The following RBFOX1 variants were observed in gnomAD, a reference collection of about 807,000 sequenced individuals.
The protein encoded by RBFOX1 is RNA binding protein fox-1 homolog 1.
RBFOX1 carries 8 observed loss-of-function variants against 57.7 expected under a neutral mutation model. The ratio of observed to expected loss-of-function variants is 0.14; its 90% confidence interval spans 0.08 to 0.25. The LOEUF is 0.25. Among genes scored for constraint, RBFOX1 ranks in the 10% least tolerant of loss-of-function variants. The pLI, the probability that RBFOX1 is intolerant of heterozygous loss-of-function variation, is 1.00. For missense variants in RBFOX1, 611 were observed against 548.5 expected, an observed-to-expected ratio of 1.11 and a Z score of -1.14; for synonymous variants, 326 against 222.4, an observed-to-expected ratio of 1.47 and a Z score of -4.15.
At position 6,270,936 on chromosome 16, in the gene RBFOX1, G is replaced by A. The variant is rs568956904; in HGVS notation, c.-126-46059G>A. ...TTTGGCCACTAGACAGCACATTGCC[G>A]AATAAATTCCATGGATTAAAGAAGG... On this transcript the variant is annotated intron_variant, in intron 1 of 15. Transcript: ENST00000550418. Among the ~76,000 whole-genome samples, 32 of 152,274 alleles carry A rather than the reference G, an allele frequency of 2.1e-4. No homozygotes were observed. The South Asian group carries it at 6.2e-3, about 30-fold the overall frequency.
chr16:6,573,746 C>G (rs2097378990), intron 2 of RBFOX1: 1 of 152,348 alleles, frequency 6.6e-6, no homozygotes, highest in South Asian at 2.1e-4. Flanking sequence ...GCGCGAAGCC[C>G]GGCTGCGGGA....
intron 3 of RBFOX1, among the ~76,000 whole-genome samples, chr16:7,014,557 A>G (rs2093811350): frequency 6.6e-6 from 1 of 151,986 alleles, no homozygotes; most frequent in African/African-American, 2.4e-5. Context: ...CAGGAGTGAG[A>G]CACTGCACCC....
At chr16:6,721,604 C>G (rs112479257) in intron 3 of RBFOX1, among the ~76,000 whole-genome samples, 4 of 152,288 alleles carry the variant, frequency 2.6e-5, no homozygotes, top group African/African-American at 9.6e-5. Context: ...TCCTTACCCT[C>G]CAGCTCCTGG....
chr16:6,658,516 C>T (rs544130838), intron 3 of RBFOX1, among the ~76,000 whole-genome samples: 1 of 152,190 alleles, frequency 6.6e-6, no homozygotes, highest in Non-Finnish European at 1.5e-5. Flanking sequence ...CGAGAGCCCT[C>T]ATCTTGTTGT....
rs2060484411 is a variant in RBFOX1, at chr16:5,996,025, G to T, written c.351+128690G>T. ...TTCACATGGTGGAAGGAGAAAAGGA[G>T]CTCTCTGGGACCTCTTTTATAAGAG... is the stretch of plus-strand genomic sequence containing the variant. On this transcript the variant is annotated intron_variant, in intron 4 of 19. Coordinates refer to the RBFOX1 transcript ENST00000641259. 2.0e-5 allele frequency among the ~76,000 whole-genome samples: 3 copies of T among 152,084 alleles called. No individual in the cohort carries two copies. In the South Asian group the frequency reaches 6.2e-4, roughly 32 times the overall value.
chr16:5,905,586 A>G (rs1316861957), intron 4 of RBFOX1, among the ~76,000 whole-genome samples: 1 of 152,164 alleles, frequency 6.6e-6, no homozygotes, highest in Non-Finnish European at 1.5e-5. Context: ...GGTGGTACAC[A>G]TCTGCCGTCA....
rs58215856 is a variant in RBFOX1 at position 6,082,176 on chromosome 16, C to CTTT, written c.-127+62204_-127+62206dup. 2.3e-3 allele frequency among the ~76,000 whole-genome samples: 208 copies of CTTT among 89,898 alleles called. 7 individuals are homozygous for CTTT. The highest frequency in any genetic ancestry group is 8.2e-3 in the African/African-American group (150 of 18,358). 59.0% of individuals were successfully genotyped at this position (89,898 alleles called of 152,430 possible). ...TGTTGGTCACTTACCAATACCAGTG[C>CTTT]TTTTTTTTTTTTTTTTTTTTTTGAG... On this transcript the variant is annotated intron_variant, in intron 1 of 15. Coordinates refer to ENST00000550418, the MANE Select transcript of RBFOX1 (RefSeq NM_018723.4).
intron 4 of RBFOX1, among the ~76,000 whole-genome samples, chr16:6,010,650 T>G (rs2094955844): frequency 6.6e-6 from 1 of 152,204 alleles, no homozygotes; most frequent in African/African-American, 2.4e-5. Flanking sequence ...AGCAATGGTG[T>G]AGAAGAACCC....
intron 3 of RBFOX1, among the ~76,000 whole-genome samples, chr16:6,855,165 T>A (rs1474379237): frequency 6.6e-6 from 1 of 152,034 alleles, no homozygotes; most frequent in Non-Finnish European, 1.5e-5. Flanking sequence ...GCTATACGTG[T>A]TCTGGTGAGC....
In RBFOX1 at chr16:5,628,021, A is replaced by G. The variant is rs528043316; in HGVS notation, c.318+29060A>G. 1.5e-3 allele frequency among the ~76,000 whole-genome samples: 235 copies of G among 152,082 alleles called. 1 individual carries two copies. The highest frequency in any genetic ancestry group is 5.2e-3 in the African/African-American group (215 of 41,390). On this transcript the variant is annotated intron_variant, in intron 3 of 19. Coordinates refer to the RBFOX1 transcript ENST00000641259. ...GTATTGTCAGGCCTCTTCTGCCATC[A>G]GAGAGAGGAATTCCTTATATTTTGA...
chr16:6,841,426 A>T (rs1015067620), intron 3 of RBFOX1, among the ~76,000 whole-genome samples: 2 of 151,960 alleles, frequency 1.3e-5, no homozygotes, highest in African/African-American at 2.4e-5. Flanking sequence ...GTTTTCCATA[A>T]TTTTTTTCTT....
At chr16:6,398,805 C>G (rs1218184818) in intron 2 of RBFOX1, among the ~76,000 whole-genome samples, 2 of 152,218 alleles carry the variant, frequency 1.3e-5, no homozygotes, top group Non-Finnish European at 2.9e-5. Flanking sequence ...GTCGCTAGAT[C>G]TACCATGCTA....
chr16:7,358,870 A>C (rs183294341), intron 4 of RBFOX1, among the ~76,000 whole-genome samples: 1 of 152,354 alleles, frequency 6.6e-6, no homozygotes, highest in African/African-American at 2.4e-5. Context: ...GTAACTTTCT[A>C]AGGACAAGAC....
At chr16:6,559,668 AAAT>A (rs1365588079) in intron 2 of RBFOX1, among the ~76,000 whole-genome samples, 2 of 152,178 alleles carry the variant, frequency 1.3e-5, no homozygotes, top group African/African-American at 2.4e-5. Context: ...CCACACACAC[AAAT>A]AAGTACATAG....
chr16:5,830,129 CA>C, intron 3 of RBFOX1, among the ~76,000 whole-genome samples: 1 of 152,280 alleles, frequency 6.6e-6, no homozygotes, highest in East Asian at 1.9e-4. Flanking sequence ...TGCTCATTTG[CA>C]AATCGTCCTG....
At chr16:6,648,983 T>C (rs1449141427) in intron 2 of RBFOX1, among the ~76,000 whole-genome samples, 2 of 152,160 alleles carry the variant, frequency 1.3e-5, no homozygotes, top group Admixed American at 6.5e-5. Flanking sequence ...ACATCTACTT[T>C]CTTAGCAATT....
At chr16:7,595,806 C>G (rs12935264) in intron 8 of RBFOX1, among the ~76,000 whole-genome samples, 165 bp downstream of exon 8, 119,549 of 147,996 alleles carry the variant, frequency 0.81, 48,587 homozygotes, top group Admixed American at 0.87. Context: ...ACTGGCCTTA[C>G]TTTTTTTTTT....
chr16:5,399,241 G>A (rs1041716252), intron 1 of RBFOX1, among the ~76,000 whole-genome samples: 15 of 152,192 alleles, frequency 9.9e-5, no homozygotes, highest in African/African-American at 2.7e-4. Context: ...ATCATGAGCC[G>A]TTATTGCCAT....
chr16:5,957,237 C>T (rs570976296), intron 4 of RBFOX1, among the ~76,000 whole-genome samples: 2 of 151,974 alleles, frequency 1.3e-5, no homozygotes, highest in South Asian at 2.1e-4. Flanking sequence ...TTTTTTGAGA[C>T]AGAGTCTTGG....
Sources: gnomAD v4.1 joint callset for allele counts (sites outside exome capture counted in the v4.1 genomes callset) on GRCh38, gnomAD v4.1.1 for gene constraint, MANE v1.5 for transcripts, NCBI Gene and HGNC (gene_info 2026-07-23, HGNC 2026-07-21) for gene names.